The following DYNLT5 variants were observed in gnomAD, a reference collection of about 807,000 sequenced individuals.
DYNLT5 encodes dynein light chain Tctex-type family member 5, also known as dynein light chain Tctex-type 5.
DYNLT5 carries 25 observed loss-of-function variants against 19.3 expected under a neutral mutation model. The ratio of observed to expected loss-of-function variants is 1.30; its 90% confidence interval spans 0.95 to 1.81. The LOEUF is 1.81. Ranked by LOEUF, DYNLT5 falls within the 40% of genes most tolerant of loss-of-function variation. The pLI, the probability that DYNLT5 is intolerant of heterozygous loss-of-function variation, is 0.00. For missense variants in DYNLT5, 232 were observed against 217.9 expected (o/e 1.06, Z -0.41); for synonymous variants, 82 against 68.9 (o/e 1.19, Z -0.94).
At chr1:66,760,455 G>T (rs572802038) in intron 2 of DYNLT5, among the ~76,000 whole-genome samples, 41 of 152,236 alleles carry the variant, frequency 2.7e-4, no homozygotes, top group African/African-American at 9.4e-4. Flanking sequence ...TAGGTTCACA[G>T]GTCCATGCAT....
chr1:66,778,377 G>A lies in DYNLT5; in HGVS notation c.*923G>A, dbSNP rs1038001354. The A allele has an allele frequency of 5.2e-5, 8 of 152,618 alleles. No individual in the cohort carries two copies. Among genetic ancestry groups the A allele is most frequent in the Admixed American group, 5.2e-4 (8 of 15,274 alleles). 9.5% of individuals were successfully genotyped at this position (152,618 alleles called of 1,614,324 possible). On this transcript the variant is annotated 3_prime_UTR_variant, in exon 5 of 5. Coordinates refer to ENST00000282670, the MANE Select transcript of DYNLT5 (RefSeq NM_152665.3). ...AGTGACCCAGTGAGGTTTTTGAATA[G>A]ACGGGTGCTAAAATTTACAGGGCTG...
At chr1:66,772,140 T>C (rs1008252685) in intron 3 of DYNLT5, among the ~76,000 whole-genome samples, 1 of 152,200 alleles carries the variant, frequency 6.6e-6, no homozygotes, top group Non-Finnish European at 1.5e-5. Context: ...TATTAGTCCG[T>C]TTTTGCATTG....
chr1:66,755,462 C>A (rs2094634500), intron 2 of DYNLT5, among the ~76,000 whole-genome samples: 1 of 152,082 alleles, frequency 6.6e-6, no homozygotes, highest in South Asian at 2.1e-4. Context: ...GGGAAGAAAA[C>A]AAAACAAATT....
chr1:66,761,771 C>G (rs569231620), intron 2 of DYNLT5, among the ~76,000 whole-genome samples: 1 of 152,158 alleles, frequency 6.6e-6, no homozygotes, highest in Non-Finnish European at 1.5e-5. Flanking sequence ...GAGAGAGACA[C>G]TATCTCAAAT....
intron 2 of DYNLT5, among the ~76,000 whole-genome samples, chr1:66,769,556 C>T (rs1471571481): frequency 6.6e-6 from 1 of 152,074 alleles, no homozygotes. Context: ...CACACACACA[C>T]ACATGCTATT....
chr1:66,766,591 C>A (rs2094655706), intron 2 of DYNLT5, among the ~76,000 whole-genome samples: 1 of 152,166 alleles, frequency 6.6e-6, no homozygotes, highest in African/African-American at 2.4e-5. Flanking sequence ...TGGTTTAATG[C>A]TATTTGCCCA....
chr1:66,759,530 C>T (rs111613531), intron 2 of DYNLT5, among the ~76,000 whole-genome samples: 9 of 152,192 alleles, frequency 5.9e-5, no homozygotes, highest in African/African-American at 2.2e-4. Context: ...AAACCCTGTA[C>T]ATTAACAACT....
chr1:66,758,386 T>C (rs2150859911), intron 2 of DYNLT5, among the ~76,000 whole-genome samples: 1 of 151,888 alleles, frequency 6.6e-6, no homozygotes, highest in East Asian at 1.9e-4. Context: ...CAGGATCATG[T>C]GACATGATGT....
At chr1:66,754,303 G>A (rs994372872) in intron 1 of DYNLT5, among the ~76,000 whole-genome samples, 1 of 152,132 alleles carries the variant, frequency 6.6e-6, no homozygotes, top group Non-Finnish European at 1.5e-5. Flanking sequence ...GTTACATTTG[G>A]GGGGCAATAC....
intron 3 of DYNLT5, among the ~76,000 whole-genome samples, chr1:66,771,926 A>C (rs1226648116): frequency 1.3e-5 from 2 of 152,258 alleles, no homozygotes; most frequent in African/African-American, 2.4e-5. Flanking sequence ...AAGTAATTTT[A>C]GAAAAAGCTT....
intron 3 of DYNLT5, among the ~76,000 whole-genome samples, chr1:66,773,659 AT>A (rs1645216774): frequency 6.7e-6 from 1 of 150,298 alleles, no homozygotes; most frequent in East Asian, 2.0e-4. Flanking sequence ...ACAAAAAAAA[AT>A]GTAGTAATTA....
chr1:66,757,141 C>T (rs1241065018), intron 2 of DYNLT5, among the ~76,000 whole-genome samples: 2 of 152,096 alleles, frequency 1.3e-5, no homozygotes, highest in African/African-American at 2.4e-5. Flanking sequence ...GTCTTTTTAG[C>T]GGTAACCACA....
chr1:66,757,019 T>C (rs1038525218), intron 2 of DYNLT5, among the ~76,000 whole-genome samples: 6 of 152,232 alleles, frequency 3.9e-5, no homozygotes, highest in Non-Finnish European at 8.8e-5. Flanking sequence ...CACCTTTACC[T>C]CCAGACTGCA....
chr1:66,757,674 A>G (rs2150859442), intron 2 of DYNLT5, among the ~76,000 whole-genome samples: 1 of 152,284 alleles, frequency 6.6e-6, no homozygotes, highest in Admixed American at 6.5e-5. Context: ...CCTTGCGATG[A>G]ACCTTATTTA....
At chr1:66,755,707 A>C (rs2094634974) in intron 2 of DYNLT5, 2 of 152,182 alleles carry the variant, frequency 1.3e-5, no homozygotes, top group Admixed American at 1.3e-4. Context: ...TTACACATAC[A>C]ATGCCTTTTA....
chr1:66,770,846 G>GAA, intron 3 of DYNLT5: 115 of 225,790 alleles, frequency 5.1e-4, no homozygotes, highest in Middle Eastern at 1.7e-3. Flanking sequence ...TTAGGTGAAG[G>GAA]AAAAAAAAAA....
chr1:66,758,807 A>G (rs1375462828), intron 2 of DYNLT5, among the ~76,000 whole-genome samples: 1 of 152,186 alleles, frequency 6.6e-6, no homozygotes, highest in Non-Finnish European at 1.5e-5. Context: ...TCATTTCAAC[A>G]GTAATGAATT....
In DYNLT5 at chr1:66,770,387, T is replaced by G; in HGVS notation, c.120T>G (p.Asp40Glu). 6.2e-7 allele frequency: 1 copy of G among 1,606,874 alleles called. No individual in the cohort carries two copies. Among genetic ancestry groups the G allele is most frequent in the South Asian group, 1.1e-5 (1 of 90,114 alleles). ...AATTTGTTTTCTCCCTTGTTTTTAG[T>G]TCTATGAGTACTGTGTCTTATATGG... ...WRKEIHGRIK[D>E]SMSTVSYMEE... Residue 40 changes from aspartate (D) to glutamate (E), a missense_variant and splice_region_variant, in exon 3 of 5, where the codon GAT (aspartate) becomes GAG (glutamate). By Grantham distance (45) the Asp-to-Glu change is conservative. Transcript: ENST00000282670.
rs750483299 is a variant in DYNLT5 at position 66,776,327 on chromosome 1, A to G, written c.260A>G (p.Asp87Gly). The change falls in exon 4 of 5, where the codon GAT becomes GGT. Residue 87 changes from aspartate to glycine, a missense_variant. Coordinates refer to ENST00000282670, the MANE Select transcript of DYNLT5 (RefSeq NM_152665.3). ...PVVTVNHILK[D>G]VVTSYLQVEE... ...GTCACCGTCAATCATATTTTGAAAG[A>G]TGTAGTAACCAGCTATCTACAAGTA... is the stretch of plus-strand genomic sequence containing the variant. 4.3e-6 allele frequency: 7 copies of G among 1,613,436 alleles called. No individual in the cohort carries two copies. The East Asian group carries it at 1.6e-4, about 36-fold the overall frequency.
Sources: gnomAD v4.1 joint callset for allele counts (sites outside exome capture counted in the v4.1 genomes callset) on GRCh38, gnomAD v4.1.1 for gene constraint, MANE v1.5 for transcripts, NCBI Gene and HGNC (gene_info 2026-07-23, HGNC 2026-07-21) for gene names.